Variants in WDPCP observed in about 807,000 individuals in gnomAD.
WDPCP encodes WD repeat-containing and planar cell polarity effector protein fritz homolog.
In WDPCP, 71 loss-of-function variants were observed where a neutral mutation model predicts 93.1. That is an observed-to-expected ratio of 0.76 (90% CI 0.63 to 0.93). WDPCP has a LOEUF of 0.93. WDPCP is among the 40% of genes least tolerant of loss of function. The pLI, the probability that WDPCP is intolerant of heterozygous loss-of-function variation, is 0.00. For synonymous variants in WDPCP, 315 were observed against 315.0 expected (o/e 1.00, Z 0.00); for missense variants, 844 against 887.4 (o/e 0.95, Z 0.62).
chr2:63,170,626 G>A (rs1260285255), intron 15 of WDPCP, among the ~76,000 whole-genome samples: 1 of 152,122 alleles, frequency 6.6e-6, no homozygotes, highest in African/African-American at 2.4e-5. Flanking sequence ...TTATTCCAAT[G>A]TATCTAATTC....
chr2:63,129,120 T>C (rs1305211756), intron 17 of WDPCP, among the ~76,000 whole-genome samples: 1 of 152,262 alleles, frequency 6.6e-6, no homozygotes, highest in Non-Finnish European at 1.5e-5. Flanking sequence ...ATTCCCTTTT[T>C]AGGGCTGAAT....
At position 63,657,205 on chromosome 2, in the gene WDPCP, G is replaced by GT. The variant is rs61597471; in HGVS notation, n.309-6368dup. Among the ~76,000 whole-genome samples the GT allele has an allele frequency of 1.2e-3, 132 of 114,128 alleles. 9 individuals are homozygous for GT. Among genetic ancestry groups the GT allele is most frequent in the Admixed American group, 1.8e-3 (18 of 9,792 alleles). 74.9% of individuals were successfully genotyped at this position (114,128 alleles called of 152,430 possible). Reference sequence around the variant, plus strand: ...ACAGATGAGACAGGTTCTGGGTGATGTTTTTTTTTTTTTTTTTGCGACGGA... The same window carrying GT: ...ACAGATGAGACAGGTTCTGGGTGATGTTTTTTTTTTTTTTTTTTGCGACGGA... On this transcript the variant is annotated intron_variant and non_coding_transcript_variant, in intron 2 of 4. Transcript: ENST00000467687.
chr2:63,524,454 C>T (rs528742358), intron 1 of WDPCP, among the ~76,000 whole-genome samples: 2 of 152,232 alleles, frequency 1.3e-5, no homozygotes, highest in East Asian at 3.9e-4. Flanking sequence ...AGCCATACAA[C>T]CACAACTCTC....
At chr2:63,747,893 C>A (rs1669822565) in intron 2 of WDPCP, among the ~76,000 whole-genome samples, 1 of 151,918 alleles carries the variant, frequency 6.6e-6, no homozygotes, top group Non-Finnish European at 1.5e-5. Context: ...AATATAGAAT[C>A]TTCTAGTTCT....
intron 10 of WDPCP, among the ~76,000 whole-genome samples, chr2:63,389,998 G>C (rs1395385171): frequency 6.6e-6 from 1 of 152,014 alleles, no homozygotes; most frequent in Non-Finnish European, 1.5e-5. Context: ...GAGATAGAAG[G>C]TTAACAAGGA....
intron 13 of WDPCP, among the ~76,000 whole-genome samples, chr2:63,296,920 C>T (rs562372899): frequency 3.9e-5 from 6 of 152,242 alleles, no homozygotes; most frequent in Non-Finnish European, 5.9e-5. Flanking sequence ...AATGTCATTT[C>T]ACAAAATTAG....
intron 1 of WDPCP, among the ~76,000 whole-genome samples, chr2:63,577,846 G>C (rs545668979): frequency 6.6e-6 from 1 of 152,154 alleles, no homozygotes; most frequent in East Asian, 1.9e-4. Flanking sequence ...ATTATACATG[G>C]AATTAACTTA....
intron 2 of WDPCP, among the ~76,000 whole-genome samples, chr2:63,739,333 C>A (rs571642591): frequency 6.6e-6 from 1 of 152,234 alleles, no homozygotes; most frequent in African/African-American, 2.4e-5. Context: ...CAGCTCCATC[C>A]ATGTTTCCAC....
At chr2:63,475,970 T>C (rs75457501) in intron 6 of WDPCP, among the ~76,000 whole-genome samples, 12 of 152,258 alleles carry the variant, frequency 7.9e-5, no homozygotes, top group Admixed American at 2.6e-4. Flanking sequence ...TGCGGTTCCA[T>C]ACTTCCAATA....
intron 9 of WDPCP, among the ~76,000 whole-genome samples, chr2:63,418,727 C>A (rs1695614737): frequency 6.6e-6 from 1 of 152,066 alleles, no homozygotes; most frequent in South Asian, 2.1e-4. Flanking sequence ...AGGGGAAAAA[C>A]AGTATAGATA....
chr2:63,516,445 G>A (rs1404416283), intron 1 of WDPCP, among the ~76,000 whole-genome samples: 1 of 151,966 alleles, frequency 6.6e-6, no homozygotes, highest in Non-Finnish European at 1.5e-5. Flanking sequence ...CTCATGATGG[G>A]GCTGCTACAG....
intron 13 of WDPCP, among the ~76,000 whole-genome samples, chr2:63,266,053 C>G (rs1682087625): frequency 6.6e-6 from 1 of 152,150 alleles, no homozygotes; most frequent in African/African-American, 2.4e-5. Flanking sequence ...TAATGTCATA[C>G]TCATTTGTGA....
chr2:63,161,077 G>T (rs1165518843), intron 15 of WDPCP, among the ~76,000 whole-genome samples: 1 of 152,196 alleles, frequency 6.6e-6, no homozygotes, highest in Non-Finnish European at 1.5e-5. Context: ...AGCATACAAA[G>T]CTTGATGTAC....
intron 3 of WDPCP, chr2:63,605,979 C>G (rs751793510): frequency 6.2e-7 from 1 of 1,614,140 alleles, no homozygotes; most frequent in Non-Finnish European, 8.5e-7. Flanking sequence ...GATGGCAACT[C>G]CTATGGTGTT....
At chr2:63,209,616 C>T (rs1401408435) in intron 14 of WDPCP, among the ~76,000 whole-genome samples, 1 of 152,156 alleles carries the variant, frequency 6.6e-6, no homozygotes, top group East Asian at 1.9e-4. Context: ...GTTGTAGATG[C>T]TGTCCATGGA....
At chr2:63,682,126 C>G (rs1159568560) in intron 2 of WDPCP, among the ~76,000 whole-genome samples, 1 of 152,246 alleles carries the variant, frequency 6.6e-6, no homozygotes, top group Non-Finnish European at 1.5e-5. Flanking sequence ...CAAACATACA[C>G]TGACAGACAT....
At chr2:63,595,784 T>G (rs1263312774) in intron 3 of WDPCP, among the ~76,000 whole-genome samples, 1 of 152,220 alleles carries the variant, frequency 6.6e-6, no homozygotes, top group East Asian at 1.9e-4. Context: ...AAGTGTAATA[T>G]TGCACAAGGG....
intron 12 of WDPCP, among the ~76,000 whole-genome samples, chr2:63,343,410 G>A (rs1367308019): frequency 6.6e-6 from 1 of 152,068 alleles, no homozygotes; most frequent in East Asian, 1.9e-4. Flanking sequence ...GATTACTAAT[G>A]AGAATATCTG....
upstream of WDPCP, chr2:63,590,264 T>C (rs1233540263): frequency 6.6e-6 from 1 of 152,184 alleles, no homozygotes; most frequent in East Asian, 1.9e-4. Flanking sequence ...TCTTGACGAA[T>C]CTCCCCACTT....
Sources: gnomAD v4.1 joint callset for allele counts (sites outside exome capture counted in the v4.1 genomes callset) on GRCh38, gnomAD v4.1.1 for gene constraint, MANE v1.5 for transcripts, NCBI Gene and HGNC (gene_info 2026-07-23, HGNC 2026-07-21) for gene names.